Variants in MYO1E observed in about 807,000 individuals in gnomAD.
MYO1E encodes myosin IE, also known as unconventional myosin-Ie.
A neutral mutation model predicts 151.1 loss-of-function variants in MYO1E; 68 were observed. The ratio of observed to expected loss-of-function variants is 0.45; its 90% CI spans 0.37 to 0.55. MYO1E has a LOEUF of 0.55. MYO1E is among the 20% of genes least tolerant of loss of function. The pLI is 0.00. For synonymous variants in MYO1E, 601 were observed against 501.7 expected, an observed-to-expected ratio of 1.20 and a Z score of -2.64; for missense variants, 1,363 against 1,389.3, an observed-to-expected ratio of 0.98 and a Z score of 0.30.
intron 4 of MYO1E, among the ~76,000 whole-genome samples, chr15:59,253,481 GTT>G (rs5812967): frequency 2.4e-5 from 3 of 126,930 alleles, no homozygotes; most frequent in East Asian, 2.3e-4. Context: ...GTCTGATCGA[GTT>G]TTTTTTTTTT....
intron 1 of MYO1E, among the ~76,000 whole-genome samples, chr15:59,368,700 C>T (rs556424911): frequency 4.1e-4 from 63 of 152,020 alleles, no homozygotes; most frequent in African/African-American, 1.5e-3. Context: ...GAGTTGAGAT[C>T]GCGCCAGTGC....
intron 27 of MYO1E, 102 bp downstream of exon 27, chr15:59,138,096 T>C: frequency 7.0e-7 from 1 of 1,437,336 alleles, no homozygotes; most frequent in East Asian, 2.3e-5. Flanking sequence ...AAATTGCAGT[T>C]TGAGGAGCCC....
At chr15:59,346,524 T>C (rs1183790759) in intron 1 of MYO1E, among the ~76,000 whole-genome samples, 1 of 152,186 alleles carries the variant, frequency 6.6e-6, no homozygotes, top group African/African-American at 2.4e-5. Flanking sequence ...TCCATTAAAT[T>C]ATAAGAACTA....
chr15:59,139,152 C>G (rs998355539), intron 26 of MYO1E, among the ~76,000 whole-genome samples: 33 of 152,166 alleles, frequency 2.2e-4, no homozygotes, highest in African/African-American at 7.7e-4. Context: ...TGTCTACTCC[C>G]ATCCCATCTA....
chr15:59,304,424 C>T (rs1010742016), intron 1 of MYO1E, among the ~76,000 whole-genome samples: 1 of 152,124 alleles, frequency 6.6e-6, no homozygotes, highest in Non-Finnish European at 1.5e-5. Context: ...ATGATGGTAA[C>T]CTTGGATTAA....
chr15:59,304,069 G>T (rs1278602157), intron 1 of MYO1E, among the ~76,000 whole-genome samples: 1 of 148,998 alleles, frequency 6.7e-6, no homozygotes, highest in Non-Finnish European at 1.5e-5. Context: ...TGCAACCTCT[G>T]CCTCCTGGGT....
chr15:59,231,442 C>T (rs891114617), intron 6 of MYO1E, among the ~76,000 whole-genome samples: 1 of 152,222 alleles, frequency 6.6e-6, no homozygotes, highest in African/African-American at 2.4e-5. Flanking sequence ...AAAGCTGCCA[C>T]TTTCATCATT....
chr15:59,155,589 C>T (rs1477185809), intron 25 of MYO1E, among the ~76,000 whole-genome samples: 8 of 152,102 alleles, frequency 5.3e-5, no homozygotes, highest in African/African-American at 1.9e-4. Context: ...CTTTGGCCAA[C>T]CTAGCTGAGG....
At chr15:59,244,494 G>A (rs571975016) in intron 4 of MYO1E, among the ~76,000 whole-genome samples, 2 of 152,246 alleles carry the variant, frequency 1.3e-5, no homozygotes, top group South Asian at 4.1e-4. Flanking sequence ...GCTTGCAGGG[G>A]TCACACGCCT....
At chr15:59,343,105 T>C (rs1407460530) in intron 1 of MYO1E, among the ~76,000 whole-genome samples, 2 of 152,228 alleles carry the variant, frequency 1.3e-5, no homozygotes, top group African/African-American at 2.4e-5. Flanking sequence ...CCAGTGAGTT[T>C]TGTACCTTCA....
chr15:59,191,177 C>T lies in MYO1E; in HGVS notation c.1806-2961G>A, dbSNP rs866917712. Among the ~76,000 whole-genome samples the T allele has an allele frequency of 1.1e-4, 16 of 152,158 alleles. No homozygotes were observed. In the South Asian group the frequency reaches 2.9e-3, roughly 28 times the overall value. On this transcript the variant is annotated intron_variant, in intron 17 of 27. Transcript: ENST00000288235. ...AGCCTCTGTGTGCAAAGAGTTAAGC[C>T]GGGCATAGTGGCTCACGCTTGTAAT... is the stretch of plus-strand genomic sequence containing the variant.
intron 16 of MYO1E, among the ~76,000 whole-genome samples, chr15:59,199,785 T>G (rs2079789795): frequency 6.6e-6 from 1 of 152,192 alleles, no homozygotes; most frequent in Admixed American, 6.5e-5. Context: ...TTTAAACGCT[T>G]ACGCCTCAGG....
chr15:59,220,660 G>A (rs2079948842), intron 9 of MYO1E, among the ~76,000 whole-genome samples: 1 of 151,922 alleles, frequency 6.6e-6, no homozygotes, highest in East Asian at 1.9e-4. Flanking sequence ...ACTAAAATAT[G>A]AGAAAGATGA....
In MYO1E at chr15:59,161,235, A is replaced by C; in HGVS notation, c.2628-5T>G. On this transcript the variant is annotated splice_region_variant and splice_polypyrimidine_tract_variant and intron_variant, in intron 23 of 27. Coordinates refer to ENST00000288235, the MANE Select transcript of MYO1E (RefSeq NM_004998.4). ...TTTTTCAACTTCAGTTCAAGCCTGCAAAAAGCACAGTGGGGTTAACAGGTC... is the reference window on the plus strand; with the variant it reads ...TTTTTCAACTTCAGTTCAAGCCTGCCAAAAGCACAGTGGGGTTAACAGGTC... 1 of 1,613,684 alleles carries C rather than the reference A, an allele frequency of 6.2e-7. No homozygotes were observed. Among genetic ancestry groups the C allele is most frequent in the African/African-American group, 1.3e-5 (1 of 75,038 alleles).
intron 1 of MYO1E, among the ~76,000 whole-genome samples, chr15:59,287,813 C>T (rs2080396062): frequency 6.6e-6 from 1 of 152,216 alleles, no homozygotes; most frequent in African/African-American, 2.4e-5. Flanking sequence ...CTGTCCAGGC[C>T]TGGTTCCTGC....
intron 4 of MYO1E, among the ~76,000 whole-genome samples, 194 bp from the exon 5 acceptor site, chr15:59,236,866 G>A (rs1053700735): frequency 4.6e-5 from 7 of 152,142 alleles, no homozygotes; most frequent in Admixed American, 2.6e-4. Flanking sequence ...CATGTGACCC[G>A]TGTGAGCCGG....
chr15:59,275,951 G>A (rs1302405168), intron 1 of MYO1E, among the ~76,000 whole-genome samples: 3 of 152,154 alleles, frequency 2.0e-5, no homozygotes, highest in Non-Finnish European at 4.4e-5. Flanking sequence ...GCACACAGCC[G>A]CTGAATGCCA....
At chr15:59,161,554 C>A (rs1327465821) in intron 23 of MYO1E, among the ~76,000 whole-genome samples, 1 of 152,164 alleles carries the variant, frequency 6.6e-6, no homozygotes, top group African/African-American at 2.4e-5. Flanking sequence ...AGGAAAGAGA[C>A]AATTTCCAGG....
chr15:59,319,679 G>A (rs185970765), intron 1 of MYO1E, among the ~76,000 whole-genome samples: 187 of 150,054 alleles, frequency 1.2e-3, no homozygotes, highest in African/African-American at 4.3e-3. Flanking sequence ...CGAGGCATGC[G>A]GATCACCTGA....
Sources: allele counts gnomAD v4.1 joint callset (sites outside exome capture counted in the v4.1 genomes callset), GRCh38; gene constraint gnomAD v4.1.1; transcripts MANE v1.5; gene names NCBI Gene and HGNC (gene_info 2026-07-23, HGNC 2026-07-21).